DNTTIP1: variants seen among roughly 807,000 people sequenced by gnomAD.
The protein encoded by DNTTIP1 is deoxynucleotidyltransferase terminal-interacting protein 1.
DNTTIP1 carries 22 observed loss-of-function variants against 52.9 expected under a neutral mutation model. The observed-to-expected ratio is 0.42, with a 90% CI of 0.30 to 0.59. DNTTIP1 has a LOEUF of 0.59. Among genes scored for constraint, DNTTIP1 ranks in the 20% least tolerant of loss-of-function variants. The pLI, the probability that DNTTIP1 is intolerant of heterozygous loss-of-function variation, is 0.22. For missense variants in DNTTIP1, 286 were observed against 435.5 expected (o/e 0.66, Z 3.06); for synonymous variants, 136 against 155.1 (o/e 0.88, Z 0.92).
intron 5 of DNTTIP1, 89 bp from the exon 6 acceptor site, chr20:45,801,313 C>T: frequency 5.4e-6 from 8 of 1,493,632 alleles, no homozygotes; most frequent in Non-Finnish European, 7.5e-6. Context: ...GGCTGGAGAG[C>T]TGTAGTCCAG....
At chr20:45,800,601 G>C (rs1981395707) in intron 4 of DNTTIP1, among the ~76,000 whole-genome samples, 1 of 149,138 alleles carries the variant, frequency 6.7e-6, no homozygotes, top group African/African-American at 2.5e-5. Context: ...TTGAACCCAG[G>C]AGGCGGAGGT....
Position 45,809,379 on chromosome 20 carries a change from G to C in DNTTIP1, c.795+194G>C, listed in dbSNP as rs1981750407. On this transcript the variant is annotated intron_variant, in intron 11 of 12. Coordinates refer to ENST00000372622, the MANE Select transcript of DNTTIP1 (RefSeq NM_052951.3). The surrounding 1 kb of genome is among the most constrained non-coding windows in gnomAD (Gnocchi z 4.2). Reference sequence around the variant, plus strand: ...CTTCAGGTTCCCTTCCCTATCCCTAGGTCTCCCTTCCGCCCCCTCACACTT... The same window carrying C: ...CTTCAGGTTCCCTTCCCTATCCCTACGTCTCCCTTCCGCCCCCTCACACTT... Among the ~76,000 whole-genome samples, 1 of 152,108 alleles carries C rather than the reference G, an allele frequency of 6.6e-6. No individual in the cohort carries two copies. Among genetic ancestry groups the C allele is most frequent in the African/African-American group, 2.4e-5 (1 of 41,414 alleles).
intron 3 of DNTTIP1, among the ~76,000 whole-genome samples, chr20:45,794,473 A>T (rs1981162985): frequency 6.6e-6 from 1 of 151,872 alleles, no homozygotes; most frequent in African/African-American, 2.4e-5. Flanking sequence ...ATCCCCCAAG[A>T]ATTTTATTCC....
At chr20:45,805,396 A>G (rs1981601279) in intron 10 of DNTTIP1, 30 bp downstream of exon 10, 1 of 1,610,550 alleles carries the variant, frequency 6.2e-7, no homozygotes, top group East Asian at 2.2e-5. Context: ...AAAGCAGGCC[A>G]TTGCATTGGG....
chr20:45,805,469 G>A (rs1367051927), intron 10 of DNTTIP1, 103 bp downstream of exon 10: 2 of 1,294,720 alleles, frequency 1.5e-6, no homozygotes, highest in African/African-American at 1.5e-5. Context: ...TTGGAGTCAG[G>A]ACATCTGGGT....
intron 6 of DNTTIP1, 71 bp from the exon 7 acceptor site, chr20:45,801,928 C>A (rs1981484857): frequency 1.4e-6 from 2 of 1,455,018 alleles, no homozygotes; most frequent in African/African-American, 1.4e-5. Flanking sequence ...TGCCAAGTGA[C>A]CCTGGACCTG....
rs926453578 is a variant in DNTTIP1 at position 45,793,850 on chromosome 20, A to G, written c.177-71A>G. ...ATTGTTAAGGAATTCTATGTCCATAATTAACTGGGGAGGCTGGGAAAGAAT... is the reference window on the plus strand; with the variant it reads ...ATTGTTAAGGAATTCTATGTCCATAGTTAACTGGGGAGGCTGGGAAAGAAT... On this transcript the variant is annotated intron_variant, in intron 2 of 12. Coordinates refer to ENST00000372622, the MANE Select transcript of DNTTIP1 (RefSeq NM_052951.3). 5 of 941,042 alleles carry G rather than the reference A, an allele frequency of 5.3e-6. No homozygotes were observed. The African/African-American group carries it at 6.7e-5, about 13-fold the overall frequency. The allele number at this position is 941,042 out of a possible 1,614,324, so 58.3% of individuals were successfully genotyped here.
At chr20:45,798,235 A>G (rs1981306635) in intron 4 of DNTTIP1, among the ~76,000 whole-genome samples, 2 of 152,028 alleles carry the variant, frequency 1.3e-5, no homozygotes, top group South Asian at 4.2e-4. Flanking sequence ...CACAAGGACA[A>G]AAAACCAAAC....
At position 45,809,223 on chromosome 20, in the gene DNTTIP1, C is replaced by T. The variant is rs1239508715; in HGVS notation, c.795+38C>T. Reference sequence around the variant, plus strand: ...CATTTGTGCCACTGCCAGTGACCCACCCCACCTGGGAACCAGGATTTTGGC... The same window carrying T: ...CATTTGTGCCACTGCCAGTGACCCATCCCACCTGGGAACCAGGATTTTGGC... On this transcript the variant is annotated intron_variant, in intron 11 of 12. Transcript: ENST00000372622. This position sits in a 1 kb window ranked among gnomAD's most constrained non-coding sequence, Gnocchi z 4.2. 3.8e-6 allele frequency: 6 copies of T among 1,591,578 alleles called. No homozygotes were observed. The highest frequency in any genetic ancestry group is 5.2e-6 in the Non-Finnish European group (6 of 1,160,556).
At chr20:45,799,275 G>C (rs1408878312) in intron 4 of DNTTIP1, among the ~76,000 whole-genome samples, 1 of 152,218 alleles carries the variant, frequency 6.6e-6, no homozygotes, top group Non-Finnish European at 1.5e-5. Context: ...AGCAAAGAAG[G>C]CTAAGAAAGA....
At position 45,805,381 on chromosome 20, in the gene DNTTIP1, G is replaced by A. The variant is rs1436545665; in HGVS notation, c.723+15G>A. On this transcript the variant is annotated intron_variant, in intron 10 of 12. Transcript: ENST00000372622. The stretch of plus-strand genomic sequence containing the variant: ...ACCTCTTTAAGGTAGGTGACTGCTG[G>A]GAGGAAAGCAGGCCATTGCATTGGG... The A allele has an allele frequency of 1.2e-6, 2 of 1,613,114 alleles. No individual in the cohort carries two copies. The highest frequency in any genetic ancestry group is 2.7e-5 in the African/African-American group (2 of 74,852).
intron 4 of DNTTIP1, among the ~76,000 whole-genome samples, chr20:45,798,670 C>T (rs1227059766): frequency 6.6e-6 from 1 of 152,132 alleles, no homozygotes; most frequent in Non-Finnish European, 1.5e-5. Flanking sequence ...GGGTACTCTA[C>T]CCTTAACTCT....
intron 4 of DNTTIP1, 124 bp downstream of exon 4, chr20:45,795,567 G>C: frequency 1.7e-6 from 1 of 577,378 alleles, no homozygotes; most frequent in Non-Finnish European, 3.1e-6. Flanking sequence ...GGGAGGCCAA[G>C]GTGGGCAGAT....
chr20:45,795,563 C>A, intron 4 of DNTTIP1, 120 bp downstream of exon 4: 2 of 585,230 alleles, frequency 3.4e-6, no homozygotes, highest in Non-Finnish European at 6.0e-6. Flanking sequence ...CTGTGGGAGG[C>A]CAAGGTGGGC....
At chr20:45,800,546 C>T (rs1479980270) in intron 4 of DNTTIP1, among the ~76,000 whole-genome samples, 1 of 150,534 alleles carries the variant, frequency 6.6e-6, no homozygotes, top group African/African-American at 2.4e-5. Context: ...TGGTGGTGGG[C>T]ACCTGTAATC....
intron 8 of DNTTIP1, among the ~76,000 whole-genome samples, chr20:45,803,621 G>A (rs1230207573): frequency 1.3e-5 from 2 of 152,214 alleles, no homozygotes; most frequent in Non-Finnish European, 2.9e-5. Context: ...ATAGGAGTTA[G>A]TGGTCACTAA....
At chr20:45,794,406 C>T (rs559676302) in intron 3 of DNTTIP1, among the ~76,000 whole-genome samples, 5 of 152,158 alleles carry the variant, frequency 3.3e-5, no homozygotes, top group African/African-American at 1.2e-4. Context: ...CTTGGCCTCC[C>T]AAAGTGCTGG....
chr20:45,803,211 G>A (rs1981529119), intron 7 of DNTTIP1, 122 bp from the exon 8 acceptor site: 3 of 921,558 alleles, frequency 3.3e-6, no homozygotes, highest in Middle Eastern at 2.2e-4. Flanking sequence ...GTGTCACCAC[G>A]AAGGAGGATG....
chr20:45,793,625 A>G lies in DNTTIP1; in HGVS notation c.177-296A>G, dbSNP rs571525115. ...TGAGGCAGGAGAATTGCTTGAACCC[A>G]GGAGGCAGAGGTTGCAGTGAGCCAA... is the stretch of plus-strand genomic sequence containing the variant. On this transcript the variant is annotated intron_variant, in intron 2 of 12. Coordinates refer to ENST00000372622, the MANE Select transcript of DNTTIP1 (RefSeq NM_052951.3). Among the ~76,000 whole-genome samples, 15 of 152,260 alleles carry G rather than the reference A, an allele frequency of 9.9e-5. No individual in the cohort carries two copies. The East Asian group carries it at 2.7e-3, about 27-fold the overall frequency.
Sources: gnomAD v4.1 joint callset for allele counts (sites outside exome capture counted in the v4.1 genomes callset) on GRCh38, gnomAD v4.1.1 for gene constraint, Gnocchi (gnomAD v3.1) non-coding constraint, MANE v1.5 for transcripts, NCBI Gene and HGNC (gene_info 2026-07-23, HGNC 2026-07-21) for gene names.